The following IPMK variants were observed in gnomAD, a reference collection of about 807,000 sequenced individuals.
The protein encoded by IPMK is inositol polyphosphate multikinase.
IPMK carries 17 observed loss-of-function variants against 45.8 expected under a neutral mutation model. That is an observed-to-expected ratio of 0.37 (90% CI 0.25 to 0.56). IPMK has a LOEUF of 0.56. IPMK is among the 20% of genes least tolerant of loss of function. The pLI is 0.79. For missense variants in IPMK, 399 were observed against 498.0 expected (o/e 0.80, Z 1.89); for synonymous variants, 180 against 184.3 (o/e 0.98, Z 0.19).
chr10:58,223,398 A>C (rs1371889998), intron 3 of IPMK, among the ~76,000 whole-genome samples: 1 of 152,212 alleles, frequency 6.6e-6, no homozygotes, highest in East Asian at 1.9e-4. Flanking sequence ...ACTAAATAGT[A>C]AAGATGAAAT....
At chr10:58,251,324 T>A (rs1020501706) in intron 1 of IPMK, among the ~76,000 whole-genome samples, 2 of 152,222 alleles carry the variant, frequency 1.3e-5, no homozygotes, top group Non-Finnish European at 2.9e-5. Context: ...ATATCGTTTC[T>A]GGGTTTATTC....
In IPMK at chr10:58,208,183, A is replaced by G. The variant is rs1019327804; in HGVS notation, c.546+7962T>C. On this transcript the variant is annotated intron_variant, in intron 4 of 5. Transcript: ENST00000373935. ...TCTCGATCTCCTGACCTCGTGATCC[A>G]CCCGCCTCAGCCTCCCAAAGTGCTG... is the stretch of plus-strand genomic sequence containing the variant. Among the ~76,000 whole-genome samples the G allele has an allele frequency of 7.3e-5, 11 of 151,550 alleles. No homozygotes were observed. In the South Asian group the frequency reaches 8.3e-4, roughly 11 times the overall value.
At chr10:58,261,788 G>T (rs1404420355) in intron 1 of IPMK, among the ~76,000 whole-genome samples, 1 of 152,084 alleles carries the variant, frequency 6.6e-6, no homozygotes, top group East Asian at 1.9e-4. Flanking sequence ...TGCCATGTTG[G>T]CCAGGCTGGT....
At chr10:58,197,779 T>C (rs1281028793) in intron 5 of IPMK, among the ~76,000 whole-genome samples, 1 of 151,988 alleles carries the variant, frequency 6.6e-6, no homozygotes, top group Non-Finnish European at 1.5e-5. Flanking sequence ...ACGCCTGTAA[T>C]CCCAGCACTT....
chr10:58,237,134 C>T (rs985427515), intron 2 of IPMK, among the ~76,000 whole-genome samples: 1 of 152,162 alleles, frequency 6.6e-6, no homozygotes, highest in Non-Finnish European at 1.5e-5. Flanking sequence ...CCATTCCACC[C>T]TTCTCCACCC....
intron 2 of IPMK, among the ~76,000 whole-genome samples, chr10:58,234,478 T>G (rs765263723): frequency 6.6e-6 from 1 of 152,044 alleles, no homozygotes; most frequent in Non-Finnish European, 1.5e-5. Context: ...TATAGACCAA[T>G]GGAACAGAAC....
intron 3 of IPMK, among the ~76,000 whole-genome samples, chr10:58,216,647 C>CA (rs1838248695): frequency 6.6e-6 from 1 of 151,900 alleles, no homozygotes; most frequent in Non-Finnish European, 1.5e-5. Flanking sequence ...CTTGTGAATA[C>CA]AATTTATGCC....
intron 4 of IPMK, among the ~76,000 whole-genome samples, chr10:58,209,521 T>C (rs1210751877): frequency 1.3e-5 from 2 of 152,220 alleles, no homozygotes. Flanking sequence ...TTATTGTTCT[T>C]CTGGGTCTAG....
At chr10:58,240,282 G>C (rs1446670650) in intron 1 of IPMK, among the ~76,000 whole-genome samples, 1 of 151,348 alleles carries the variant, frequency 6.6e-6, no homozygotes, top group Non-Finnish European at 1.5e-5. Flanking sequence ...TTAATCAACA[G>C]ATAAACAATC....
intron 3 of IPMK, among the ~76,000 whole-genome samples, chr10:58,226,304 C>G (rs1036724274): frequency 1.3e-5 from 2 of 152,202 alleles, no homozygotes; most frequent in African/African-American, 4.8e-5. Context: ...TCAGAAACAC[C>G]CATGGCTTTT....
chr10:58,240,489 T>C (rs917190677), intron 1 of IPMK, among the ~76,000 whole-genome samples: 1 of 151,992 alleles, frequency 6.6e-6, no homozygotes, highest in African/African-American at 2.4e-5. Context: ...GAAAAAATTC[T>C]GGGCTTTCAA....
chr10:58,243,246 G>C (rs994146136), intron 1 of IPMK, among the ~76,000 whole-genome samples: 1 of 152,114 alleles, frequency 6.6e-6, no homozygotes, highest in African/African-American at 2.4e-5. Flanking sequence ...AAAAAAAAAG[G>C]GGTATAGGCA....
chr10:58,244,142 G>C (rs528860852), intron 1 of IPMK, among the ~76,000 whole-genome samples: 47 of 150,150 alleles, frequency 3.1e-4, no homozygotes, highest in Admixed American at 2.8e-3. Context: ...CCCTGTCTGG[G>C]AGGTGAGGGG....
At chr10:58,200,349 C>T (rs1217477688) in intron 4 of IPMK, among the ~76,000 whole-genome samples, 1 of 151,990 alleles carries the variant, frequency 6.6e-6, no homozygotes, top group Admixed American at 6.6e-5. Context: ...AAACTCCTGG[C>T]GTCAAACGAT....
chr10:58,216,392 G>T, intron 3 of IPMK, 75 bp from the exon 4 acceptor site: 1 of 622,424 alleles, frequency 1.6e-6, no homozygotes, highest in Non-Finnish European at 2.5e-6. Flanking sequence ...GGAAAAACAA[G>T]ATGAGAAAAT....
chr10:58,242,107 C>A (rs1838703362), intron 1 of IPMK, among the ~76,000 whole-genome samples: 1 of 151,882 alleles, frequency 6.6e-6, no homozygotes. Context: ...ATACCGTCAA[C>A]AAATACAGCA....
chr10:58,244,006 C>T (rs534181187), intron 1 of IPMK, among the ~76,000 whole-genome samples: 3 of 149,710 alleles, frequency 2.0e-5, no homozygotes, highest in Admixed American at 6.6e-5. Context: ...AGGGGAAGGG[C>T]GTCTCTGCCC....
intron 1 of IPMK, among the ~76,000 whole-genome samples, chr10:58,261,388 G>A (rs1451068746): frequency 6.6e-6 from 1 of 151,802 alleles, no homozygotes; most frequent in Non-Finnish European, 1.5e-5. Flanking sequence ...ATACTTTTCT[G>A]TAAAGTTTTG....
chr10:58,202,978 C>T (rs1795458936), intron 4 of IPMK, among the ~76,000 whole-genome samples: 1 of 152,154 alleles, frequency 6.6e-6, no homozygotes, highest in Non-Finnish European at 1.5e-5. Flanking sequence ...TGCAAGGCTA[C>T]ATACAGCTGC....
Sources: gnomAD v4.1 joint callset for allele counts (sites outside exome capture counted in the v4.1 genomes callset) on GRCh38, gnomAD v4.1.1 for gene constraint, MANE v1.5 for transcripts, NCBI Gene and HGNC (gene_info 2026-07-23, HGNC 2026-07-21) for gene names.